The following CD9 variants were observed in gnomAD, a reference collection of about 807,000 sequenced individuals.
CD9 encodes CD9 molecule.
In CD9, 10 loss-of-function variants were observed where a neutral mutation model predicts 31.4. The ratio of observed to expected loss-of-function variants is 0.32; its 90% confidence interval spans 0.20 to 0.54. The LOEUF (loss-of-function observed/expected upper bound fraction) is 0.54. Ranked by LOEUF, CD9 falls within the 20% of genes least tolerant of loss-of-function variation. CD9 has a pLI of 0.94. For missense variants in CD9, 259 were observed against 300.1 expected, an observed-to-expected ratio of 0.86 and a Z score of 1.01; for synonymous variants, 113 against 114.1, an observed-to-expected ratio of 0.99 and a Z score of 0.06.
At chr12:6,219,171 A>C (rs1946269373) in intron 1 of CD9, among the ~76,000 whole-genome samples, 1 of 151,790 alleles carries the variant, frequency 6.6e-6, no homozygotes, top group African/African-American at 2.4e-5. Flanking sequence ...ACGCCCGGCT[A>C]ATTTTTGTAG....
rs547211281 is a variant in CD9, at chr12:6,207,684, G to A, written c.66+7119G>A. On this transcript the variant is annotated intron_variant, in intron 1 of 7. Transcript: ENST00000009180. The stretch of plus-strand genomic sequence containing the variant: ...GAATGTCTCAGGAGGGATCATTTGG[G>A]GAGCTGCACTCCCAAGGAGTTGAGA... 1.6e-4 allele frequency among the ~76,000 whole-genome samples: 24 copies of A among 152,324 alleles called. No individual in the cohort carries two copies. The South Asian group carries it at 2.5e-3, about 16-fold the overall frequency.
chr12:6,209,305 A>G (rs984621502), intron 1 of CD9, among the ~76,000 whole-genome samples: 12 of 152,122 alleles, frequency 7.9e-5, no homozygotes, highest in African/African-American at 2.9e-4. Flanking sequence ...TTGAATCCAC[A>G]TCATGTCTTC....
chr12:6,224,676 C>T (rs1468512839), intron 1 of CD9, among the ~76,000 whole-genome samples: 1 of 152,186 alleles, frequency 6.6e-6, no homozygotes, highest in South Asian at 2.1e-4. Flanking sequence ...GTGAGTCACT[C>T]CCCCGGCAAG....
chr12:6,233,442 A>C lies in CD9; in HGVS notation c.304A>C (p.Ile102Leu). 6.2e-7 allele frequency: 1 copy of C among 1,614,072 alleles called. No individual in the cohort carries two copies. Among genetic ancestry groups the C allele is most frequent in the South Asian group, 1.1e-5 (1 of 91,086 alleles). Residue 102 changes from isoleucine to leucine, a missense_variant, in exon 4 of 8, where the codon ATT (isoleucine) becomes CTT (leucine). Ile to Leu is a conservative substitution (Grantham distance 5). Transcript: ENST00000009180. ...CGGCTTCCTCTTGGTGATATTCGCC[A>C]TTGAAATAGCTGCGGCCATCTGGGG... ...FFGFLLVIFA[I>L]EIAAAIWGYS...
rs1308723583 is a variant in CD9, at chr12:6,209,247, A to AC, written c.66+8684dup. On this transcript the variant is annotated intron_variant, in intron 1 of 7. Transcript: ENST00000009180. ...AGTGCTGGGATTATAGGCGTGAGCC[A>AC]CCGCACCGGGCTCGTCGTAGCTTTT... Among the ~76,000 whole-genome samples, 5 of 152,344 alleles carry AC rather than the reference A, an allele frequency of 3.3e-5. No individual in the cohort carries two copies. In the East Asian group the frequency reaches 7.7e-4, roughly 24 times the overall value.
chr12:6,227,425 C>T (rs936741370), intron 2 of CD9, among the ~76,000 whole-genome samples: 8 of 152,252 alleles, frequency 5.3e-5, no homozygotes, highest in African/African-American at 1.7e-4. Context: ...CTCCAACTCC[C>T]GACCTCAGGT....
chr12:6,223,594 G>C (rs1027775765), intron 1 of CD9, among the ~76,000 whole-genome samples: 11 of 152,156 alleles, frequency 7.2e-5, no homozygotes, highest in Non-Finnish European at 1.0e-4. Context: ...GGGACCTGGG[G>C]GGGGACCCAG....
At chr12:6,201,696 A>C (rs1489928796) in intron 1 of CD9, among the ~76,000 whole-genome samples, 1 of 152,220 alleles carries the variant, frequency 6.6e-6, no homozygotes, top group East Asian at 1.9e-4. Flanking sequence ...GCCACTCTCA[A>C]GATAGATGGA....
chr12:6,200,847 C>A, intron 1 of CD9: 1 of 369,160 alleles, frequency 2.7e-6, no homozygotes, highest in Non-Finnish European at 4.8e-6. Flanking sequence ...GTCCTGAGCA[C>A]TTTAGCTCGC....
chr12:6,227,945 G>A (rs1591976375), intron 2 of CD9, among the ~76,000 whole-genome samples: 2 of 152,202 alleles, frequency 1.3e-5, no homozygotes, highest in Non-Finnish European at 2.9e-5. Flanking sequence ...TAGAGGAGCT[G>A]GGGCTCACCT....
chr12:6,206,490 C>A (rs1387454471), intron 1 of CD9, among the ~76,000 whole-genome samples: 2 of 152,160 alleles, frequency 1.3e-5, no homozygotes, highest in Non-Finnish European at 2.9e-5. Context: ...TCCCAAAATG[C>A]TAGGATTACA....
chr12:6,200,597 C>T, intron 1 of CD9, 32 bp downstream of exon 1: 1 of 1,490,634 alleles, frequency 6.7e-7, no homozygotes, highest in Non-Finnish European at 9.3e-7. Flanking sequence ...GCGCTCCTCT[C>T]AGGGCCCACC....
intron 2 of CD9, among the ~76,000 whole-genome samples, chr12:6,228,654 A>G (rs1364195091): frequency 6.6e-6 from 1 of 152,114 alleles, no homozygotes; most frequent in Non-Finnish European, 1.5e-5. Flanking sequence ...TTTAGGAAAT[A>G]ATAATTGTCG....
intron 1 of CD9, among the ~76,000 whole-genome samples, chr12:6,224,559 C>G (rs940965468): frequency 1.1e-4 from 17 of 152,180 alleles, no homozygotes; most frequent in Non-Finnish European, 2.4e-4. Context: ...AACCAAGGTC[C>G]CTGATGAGCG....
intron 1 of CD9, among the ~76,000 whole-genome samples, chr12:6,210,354 C>G (rs1946181757): frequency 6.6e-6 from 1 of 152,182 alleles, no homozygotes; most frequent in Admixed American, 6.5e-5. Flanking sequence ...GAGTCCCTTC[C>G]CAGAGCGCCG....
intron 7 of CD9, 76 bp from the exon 8 acceptor site, chr12:6,237,687 C>T: frequency 9.2e-7 from 1 of 1,089,226 alleles, no homozygotes; most frequent in Admixed American, 1.8e-5. Context: ...GACTGGGTGA[C>T]CCATGTCTCT....
upstream of CD9, chr12:6,200,375 A>G (rs1365757726): frequency 1.2e-5 from 7 of 607,338 alleles, no homozygotes; most frequent in African/African-American, 1.9e-5. Flanking sequence ...GCACTTTTTA[A>G]AAGTGCAGCC....
At chr12:6,237,636 G>A (rs748727676) in intron 7 of CD9, 127 bp from the exon 8 acceptor site, 2 of 630,460 alleles carry the variant, frequency 3.2e-6, no homozygotes, top group South Asian at 1.8e-5. Context: ...CTTCTGACTC[G>A]TTTGGCCTCC....
chr12:6,209,497 ATCT>A (rs1221062184), intron 1 of CD9, among the ~76,000 whole-genome samples: 4 of 152,084 alleles, frequency 2.6e-5, no homozygotes, highest in African/African-American at 9.7e-5. Flanking sequence ...CAATGTAAAC[ATCT>A]TCTTTCTCAC....
Sources: allele counts gnomAD v4.1 joint callset (sites outside exome capture counted in the v4.1 genomes callset), GRCh38; gene constraint gnomAD v4.1.1; transcripts MANE v1.5; gene names NCBI Gene and HGNC (gene_info 2026-07-23, HGNC 2026-07-21).